Variants in SAMTOR observed in about 807,000 individuals in gnomAD.
The protein encoded by SAMTOR is UPF0532 protein C7orf60.
At chr7:112,929,366 A>G in the SAMTOR span, among the ~76,000 whole-genome samples, 6 of 152,036 alleles carry the variant, frequency 3.9e-5, no homozygotes, top group African/African-American at 1.4e-4. Context: ...CATCAGGAAA[A>G]TGCAAATTAA....
chr7:112,909,429 A>C, the SAMTOR span, among the ~76,000 whole-genome samples: 1 of 152,202 alleles, frequency 6.6e-6, no homozygotes, highest in South Asian at 2.1e-4. Flanking sequence ...TAAATGTTTT[A>C]TATTCTCCAA....
At chr7:112,889,030 T>G in the SAMTOR span, among the ~76,000 whole-genome samples, 1 of 152,138 alleles carries the variant, frequency 6.6e-6, no homozygotes, top group Non-Finnish European at 1.5e-5. Flanking sequence ...GAAGAGAAGT[T>G]TACAAAATAC....
At chr7:112,931,813 T>C in the SAMTOR span, among the ~76,000 whole-genome samples, 3 of 152,186 alleles carry the variant, frequency 2.0e-5, no homozygotes, top group Non-Finnish European at 4.4e-5. Flanking sequence ...GGTTGTCAGA[T>C]GTTAGATTTT....
the SAMTOR span, among the ~76,000 whole-genome samples, chr7:112,886,126 C>T: frequency 5.4e-3 from 829 of 152,220 alleles, 25 homozygotes; most frequent in East Asian, 0.05. Flanking sequence ...ATGAGAACAA[C>T]GGCATGGGGG....
At chr7:112,914,017 G>T in the SAMTOR span, among the ~76,000 whole-genome samples, 1 of 152,036 alleles carries the variant, frequency 6.6e-6, no homozygotes, top group African/African-American at 2.4e-5. Flanking sequence ...TACTCCTAGT[G>T]CCTATAATAT....
At chr7:112,827,527 C>T in the SAMTOR span, among the ~76,000 whole-genome samples, 1 of 152,162 alleles carries the variant, frequency 6.6e-6, no homozygotes, top group African/African-American at 2.4e-5. Flanking sequence ...CTAATATTAT[C>T]ACAGTGGACT....
At chr7:112,841,849 T>A in the SAMTOR span, among the ~76,000 whole-genome samples, 1 of 152,170 alleles carries the variant, frequency 6.6e-6, no homozygotes, top group East Asian at 1.9e-4. Context: ...ACTTAATAAA[T>A]GGTGTTGGGA....
At chr7:112,871,228 C>T in the SAMTOR span, among the ~76,000 whole-genome samples, 383 of 152,304 alleles carry the variant, frequency 2.5e-3, 1 homozygote, top group African/African-American at 8.5e-3. Flanking sequence ...CTTCTGTCAT[C>T]TACACACAGA....
the SAMTOR span, among the ~76,000 whole-genome samples, chr7:112,851,395 A>G: frequency 1.3e-5 from 2 of 152,170 alleles, no homozygotes; most frequent in East Asian, 3.9e-4. Flanking sequence ...AAAGCTACAT[A>G]CCTACAACCA....
the SAMTOR span, among the ~76,000 whole-genome samples, chr7:112,934,393 C>T: frequency 6.6e-6 from 1 of 152,172 alleles, no homozygotes; most frequent in African/African-American, 2.4e-5. Context: ...TGCCTGACTA[C>T]CCTGTTCCTC....
At chr7:112,899,789 G>GAAAAAAAAAAAAA in the SAMTOR span, among the ~76,000 whole-genome samples, 16 of 113,350 alleles carry the variant, frequency 1.4e-4, no homozygotes, top group African/African-American at 3.8e-4. Flanking sequence ...TGTGCTGAAG[G>GAAAAAAAAAAAAA]AAAAAAAAAA....
the SAMTOR span, among the ~76,000 whole-genome samples, chr7:112,928,320 T>C: frequency 1.3e-5 from 2 of 151,704 alleles, no homozygotes; most frequent in Non-Finnish European, 3.0e-5. Flanking sequence ...TGGTACAGCA[T>C]TTTTTTTCCT....
chr7:112,856,603 G>C, the SAMTOR span, among the ~76,000 whole-genome samples: 1 of 152,022 alleles, frequency 6.6e-6, no homozygotes, highest in Admixed American at 6.6e-5. Flanking sequence ...TTTTGCTATA[G>C]TTTTGAAGTA....
the SAMTOR span, among the ~76,000 whole-genome samples, chr7:112,834,214 A>G: frequency 1.2e-4 from 19 of 152,174 alleles, no homozygotes; most frequent in Non-Finnish European, 2.2e-4. Flanking sequence ...ACAATATTCA[A>G]TCTTCAAATT....
At chr7:112,836,116 C>T in the SAMTOR span, among the ~76,000 whole-genome samples, 2 of 152,098 alleles carry the variant, frequency 1.3e-5, no homozygotes, top group Non-Finnish European at 2.9e-5. Context: ...ACTGTATTAG[C>T]ATTCCCCTTT....
At chr7:112,936,909 T>G in the SAMTOR span, among the ~76,000 whole-genome samples, 1 of 152,186 alleles carries the variant, frequency 6.6e-6, no homozygotes, top group Non-Finnish European at 1.5e-5. Flanking sequence ...TTCCCTCCTA[T>G]TCTAACATTT....
At chr7:112,881,670 ACT>A in the SAMTOR span, among the ~76,000 whole-genome samples, 5 of 151,828 alleles carry the variant, frequency 3.3e-5, no homozygotes, top group Non-Finnish European at 7.4e-5. Flanking sequence ...CAAGTTACCA[ACT>A]CTGGGTCTCC....
chr7:112,851,284 T>C, the SAMTOR span, among the ~76,000 whole-genome samples: 1 of 152,176 alleles, frequency 6.6e-6, no homozygotes. Flanking sequence ...CATCATATTA[T>C]TCGACTTCAA....
the SAMTOR span, among the ~76,000 whole-genome samples, chr7:112,889,285 C>G: frequency 6.6e-6 from 1 of 152,140 alleles, no homozygotes; most frequent in African/African-American, 2.4e-5. Flanking sequence ...CAAAGAGTAT[C>G]AATTCTTTTG....
Sources: allele counts gnomAD v4.1 joint callset (sites outside exome capture counted in the v4.1 genomes callset), GRCh38; gene constraint gnomAD v4.1.1; transcripts MANE v1.5; gene names NCBI Gene and HGNC (gene_info 2026-07-23, HGNC 2026-07-21).